PPFIBP2: variants seen among roughly 807,000 people sequenced by gnomAD.
The protein encoded by PPFIBP2 is liprin-beta-2.
Under a neutral mutation model 118.3 loss-of-function variants are expected in PPFIBP2, and 118 were observed. That is an observed-to-expected ratio of 1.00 (90% CI 0.86 to 1.16). The LOEUF is 1.16. Ranked by LOEUF, PPFIBP2 falls within the 50% of genes most tolerant of loss-of-function variation. The pLI is 0.00. For missense variants in PPFIBP2, 1,195 were observed against 1,073.1 expected, an observed-to-expected ratio of 1.11 and a Z score of -1.59; for synonymous variants, 414 against 397.4, an observed-to-expected ratio of 1.04 and a Z score of -0.50.
downstream of PPFIBP2, among the ~76,000 whole-genome samples, chr11:7,661,272 C>G (rs1392560342): frequency 3.4e-5 from 5 of 147,510 alleles, no homozygotes; most frequent in Admixed American, 2.7e-4. Context: ...CCTGCTTTCT[C>G]TTGTGGGCAT....
At chr11:7,620,700 A>G (rs1480200809) in intron 6 of PPFIBP2, among the ~76,000 whole-genome samples, 6 of 152,228 alleles carry the variant, frequency 3.9e-5, no homozygotes, top group Admixed American at 3.9e-4. Context: ...GGCAGGCAGA[A>G]CAGGTTCTAA....
At chr11:7,531,189 A>G (rs1224747233) in intron 1 of PPFIBP2, among the ~76,000 whole-genome samples, 1 of 152,170 alleles carries the variant, frequency 6.6e-6, no homozygotes, top group African/African-American at 2.4e-5. Context: ...GAAAGTCCCT[A>G]AACCACTTTC....
rs547634607 is a variant in PPFIBP2, at chr11:7,574,041, G to A, written c.279+8274G>A. On this transcript the variant is annotated intron_variant, in intron 3 of 23. Coordinates refer to ENST00000299492, the MANE Select transcript of PPFIBP2 (RefSeq NM_003621.5). The stretch of plus-strand genomic sequence containing the variant: ...CAGCCAGGTAGGTGGCAATCCTGGG[G>A]TTCTCTTCTAGACCCTAGGACAGGG... The A allele has an allele frequency of 3.3e-5, 5 of 152,300 alleles. No homozygotes were observed. In the South Asian group the frequency reaches 8.3e-4, roughly 25 times the overall value. 9.4% of individuals were successfully genotyped at this position (152,300 alleles called of 1,614,324 possible).
downstream of PPFIBP2, among the ~76,000 whole-genome samples, chr11:7,654,651 T>C (rs1418383773): frequency 1.3e-5 from 2 of 152,262 alleles, no homozygotes; most frequent in African/African-American, 4.8e-5. Flanking sequence ...GTCCACTGGA[T>C]GACAAGTGCT....
downstream of PPFIBP2, among the ~76,000 whole-genome samples, chr11:7,656,255 G>C (rs892775549): frequency 1.3e-5 from 2 of 152,208 alleles, no homozygotes; most frequent in Non-Finnish European, 2.9e-5. Context: ...TTCCATCACT[G>C]AGCCTATTGG....
chr11:7,651,046 A>G (rs1853920976), intron 22 of PPFIBP2, 81 bp downstream of exon 22: 3 of 1,421,562 alleles, frequency 2.1e-6, no homozygotes, highest in South Asian at 3.0e-5. Flanking sequence ...ACAAGGCACA[A>G]AAGCTAACGA....
chr11:7,566,969 A>C (rs1473374391), intron 3 of PPFIBP2, among the ~76,000 whole-genome samples: 1 of 152,120 alleles, frequency 6.6e-6, no homozygotes, highest in African/African-American at 2.4e-5. Flanking sequence ...TTAGGATTTT[A>C]GTGTTTTTCT....
intron 1 of PPFIBP2, among the ~76,000 whole-genome samples, chr11:7,518,919 G>A (rs907867236): frequency 1.3e-5 from 2 of 152,174 alleles, no homozygotes; most frequent in Non-Finnish European, 2.9e-5. Context: ...CCTGCTGAGG[G>A]TTTGAAGGGG....
intron 7 of PPFIBP2, 129 bp from the exon 8 acceptor site, chr11:7,625,648 C>A (rs10839826): frequency 0.45 from 314,174 of 691,254 alleles, 76,645 homozygotes; most frequent in Non-Finnish European, 0.52. Context: ...AGCCCCTGCT[C>A]CTGCTCACCT....
intron 2 of PPFIBP2, among the ~76,000 whole-genome samples, chr11:7,562,229 G>A (rs969493983): frequency 5.9e-5 from 9 of 152,204 alleles, no homozygotes; most frequent in African/African-American, 2.4e-5. Flanking sequence ...TCTGTGGCTA[G>A]GGCTGGGAAC....
chr11:7,534,987 T>C (rs1016894070), intron 1 of PPFIBP2, among the ~76,000 whole-genome samples: 1 of 152,218 alleles, frequency 6.6e-6, no homozygotes, highest in Non-Finnish European at 1.5e-5. Flanking sequence ...CCTCATAGGC[T>C]CTTTCTGGTG....
chr11:7,647,026 C>G lies in PPFIBP2; in HGVS notation c.1647-1361C>G, dbSNP rs1333057262. Among the ~76,000 whole-genome samples the G allele has an allele frequency of 2.0e-5, 3 of 152,172 alleles. No homozygotes were observed. The East Asian group carries it at 5.8e-4, about 29-fold the overall frequency. ...AATATTTTCAGGACCCATGAAAGCC[C>G]AGGTTCCAGATTATGATTGATCAGT... On this transcript the variant is annotated intron_variant, in intron 17 of 23. Coordinates refer to ENST00000299492, the MANE Select transcript of PPFIBP2 (RefSeq NM_003621.5).
intron 3 of PPFIBP2, chr11:7,576,308 C>T (rs954663200): frequency 6.6e-6 from 1 of 152,360 alleles, no homozygotes; most frequent in Non-Finnish European, 1.5e-5. Context: ...CCACCGCACC[C>T]ACATCAAAGG....
Position 7,606,028 on chromosome 11 carries a change from G to T in PPFIBP2, c.487-4263G>T, listed in dbSNP as rs771193315. Reference sequence around the variant, plus strand: ...GAGTGCGCCTAAAGTAGGTAGAAAAGCTGTTGATCAAGTCAAAAGCCTGAA... The same window carrying T: ...GAGTGCGCCTAAAGTAGGTAGAAAATCTGTTGATCAAGTCAAAAGCCTGAA... On this transcript the variant is annotated intron_variant, in intron 5 of 23. Coordinates refer to ENST00000299492, the MANE Select transcript of PPFIBP2 (RefSeq NM_003621.5). The T allele has an allele frequency of 1.4e-5, 22 of 1,532,102 alleles. No individual in the cohort carries two copies. The Admixed American group carries it at 4.0e-4, about 28-fold the overall frequency. The allele number at this position is 1,532,102 out of a possible 1,614,324, so 94.9% of individuals were successfully genotyped here.
intron 7 of PPFIBP2, among the ~76,000 whole-genome samples, chr11:7,624,872 C>A (rs902572090): frequency 6.6e-6 from 1 of 152,206 alleles, no homozygotes; most frequent in African/African-American, 2.4e-5. Flanking sequence ...GAAAGGTTAA[C>A]TTACTTGCTC....
chr11:7,615,461 G>A (rs184915489), intron 6 of PPFIBP2, among the ~76,000 whole-genome samples: 174 of 152,260 alleles, frequency 1.1e-3, no homozygotes, highest in Non-Finnish European at 1.0e-3. Flanking sequence ...GAAGTTTTGG[G>A]TACACCACAC....
chr11:7,522,288 G>A (rs11041426), intron 1 of PPFIBP2, among the ~76,000 whole-genome samples: 94,389 of 152,024 alleles, frequency 0.62, 29,810 homozygotes, highest in African/African-American at 0.7. Context: ...GGATACTGAC[G>A]TGTGTTAGTT....
chr11:7,640,456 A>T (rs1467127847), intron 15 of PPFIBP2, among the ~76,000 whole-genome samples: 1 of 152,204 alleles, frequency 6.6e-6, no homozygotes, highest in Non-Finnish European at 1.5e-5. Context: ...TTCATTCAAA[A>T]TAAGCCATCT....
At chr11:7,605,814 G>A in intron 5 of PPFIBP2, 1 of 1,374,782 alleles carries the variant, frequency 7.3e-7, no homozygotes, top group Non-Finnish European at 9.3e-7. Flanking sequence ...GAATTTCAGA[G>A]CTGAAGATTT....
Sources: allele counts gnomAD v4.1 joint callset (sites outside exome capture counted in the v4.1 genomes callset), GRCh38; gene constraint gnomAD v4.1.1; transcripts MANE v1.5; gene names NCBI Gene and HGNC (gene_info 2026-07-23, HGNC 2026-07-21).